The following DENND4A variants were observed in gnomAD, a reference collection of about 807,000 sequenced individuals.
DENND4A encodes the protein DENN domain containing 4A, also known as C-myc promoter-binding protein.
A neutral mutation model predicts 199.3 loss-of-function variants in DENND4A; 70 were observed. The ratio of observed to expected loss-of-function variants is 0.35; its 90% CI spans 0.29 to 0.43. The LOEUF (loss-of-function observed/expected upper bound fraction) is 0.43, where lower values mean the gene tolerates loss of function less well. Among genes scored for constraint, DENND4A ranks in the 20% least tolerant of loss-of-function variants. The probability of loss-of-function intolerance (pLI) is 1.00; values close to 1 mark genes in which losing one functional copy is unlikely to be tolerated. For missense variants in DENND4A, 1,723 were observed against 2,255.8 expected, an observed-to-expected ratio of 0.76 and a Z score of 4.78; for synonymous variants, 686 against 766.9, an observed-to-expected ratio of 0.89 and a Z score of 1.74.
At chr15:65,662,516 G>A (rs2075881456) in intron 32 of DENND4A, among the ~76,000 whole-genome samples, 1 of 151,994 alleles carries the variant, frequency 6.6e-6, no homozygotes, top group South Asian at 2.1e-4. Context: ...GGAGCTAACA[G>A]ACTGTTACTT....
chr15:65,751,224 A>T lies in DENND4A; in HGVS notation c.561+1155T>A, dbSNP rs550193169. Among the ~76,000 whole-genome samples, 5 of 152,300 alleles carry T rather than the reference A, an allele frequency of 3.3e-5. No individual in the cohort carries two copies. In the East Asian group the frequency reaches 5.8e-4, roughly 18 times the overall value. On this transcript the variant is annotated intron_variant, in intron 4 of 32. Coordinates refer to ENST00000443035, the MANE Select transcript of DENND4A (RefSeq NM_001320835.1). ...TGTGAAGTGGCCATGTTCGAGATAC[A>T]TTTTGAAATTATAGCTAACAGAGTT...
intron 13 of DENND4A, among the ~76,000 whole-genome samples, chr15:65,715,926 T>C (rs983346100): frequency 3.3e-5 from 5 of 152,116 alleles, no homozygotes; most frequent in Admixed American, 6.6e-5. Context: ...TTGCATATTA[T>C]GTGCACATAC....
intron 11 of DENND4A, among the ~76,000 whole-genome samples, chr15:65,724,790 A>G (rs1343276716): frequency 6.6e-6 from 1 of 152,214 alleles, no homozygotes; most frequent in Non-Finnish European, 1.5e-5. Context: ...CGCAACATAG[A>G]AACACTTTTT....
chr15:65,672,912 G>GTGCA, intron 24 of DENND4A, among the ~76,000 whole-genome samples: 1 of 150,894 alleles, frequency 6.6e-6, no homozygotes, highest in Non-Finnish European at 1.5e-5. Context: ...CCAGGCTGGA[G>GTGCA]TGCAGTAGCC....
intron 11 of DENND4A, chr15:65,726,113 G>A (rs2075797627): frequency 6.6e-6 from 1 of 152,002 alleles, no homozygotes; most frequent in Non-Finnish European, 1.5e-5. Context: ...AAGAAAGAAA[G>A]AAAAAATAGT....
chr15:65,703,523 T>G (rs2074944601), intron 15 of DENND4A, among the ~76,000 whole-genome samples: 1 of 152,198 alleles, frequency 6.6e-6, no homozygotes, highest in Non-Finnish European at 1.5e-5. Context: ...CATGAATTGG[T>G]TTGTCAGGTT....
At chr15:65,667,048 T>C (rs115513137) in intron 29 of DENND4A, among the ~76,000 whole-genome samples, 7,828 of 152,222 alleles carry the variant, frequency 0.051, 686 homozygotes, top group African/African-American at 0.18. Flanking sequence ...ATATTTAGCA[T>C]AGGCTGGGCA....
chr15:65,707,434 G>A (rs1298569401), intron 14 of DENND4A, among the ~76,000 whole-genome samples: 3 of 151,984 alleles, frequency 2.0e-5, no homozygotes, highest in African/African-American at 7.2e-5. Flanking sequence ...AAAGAACAGA[G>A]ATGAGTTTTA....
intron 1 of DENND4A, among the ~76,000 whole-genome samples, chr15:65,767,982 C>T (rs559713052): frequency 4.6e-5 from 7 of 152,058 alleles, no homozygotes; most frequent in Non-Finnish European, 1.0e-4. Context: ...ATCAGTTCTC[C>T]GTATCTCAGG....
chr15:65,748,598 G>A (rs2076475197), intron 4 of DENND4A, among the ~76,000 whole-genome samples: 2 of 150,560 alleles, frequency 1.3e-5, no homozygotes, highest in African/African-American at 4.9e-5. Context: ...CTCCAGCCTG[G>A]GTGACAGAAC....
chr15:65,660,419 C>CT lies in DENND4A; in HGVS notation c.*1431dup. On this transcript the variant is annotated 3_prime_UTR_variant, in exon 33 of 33. Transcript: ENST00000443035. ...GTCCAAGTGTCGTGGACTCTACTGG[C>CT]TTTATACACCTAATTTGGGACTATC... The CT allele has an allele frequency of 6.1e-6, 5 of 821,690 alleles. No individual in the cohort carries two copies. Among genetic ancestry groups the CT allele is most frequent in the Non-Finnish European group, 9.5e-6 (5 of 524,304 alleles). 50.9% of individuals were successfully genotyped at this position (821,690 alleles called of 1,614,324 possible). A position where few individuals can be genotyped will look rare whatever the true frequency, so the allele number is the denominator to read the frequency against.
chr15:65,778,723 C>T (rs2727105), intron 1 of DENND4A, among the ~76,000 whole-genome samples: 30,017 of 151,568 alleles, frequency 0.2, 3,991 homozygotes, highest in East Asian at 0.73. Context: ...AGTGAAACTC[C>T]GTCTCTACTA....
Position 65,715,489 on chromosome 15 carries a change from A to T in DENND4A, c.1942T>A (p.Cys648Ser). ...KDASLAFFDD[C>S]VDKVDMDKSG... is the part of the protein sequence containing the mutation. ...GTACTGTTACTTACTTTATCTACAC[A>T]ATCATCAAAAAATGCCAGGCTTGCA... is the stretch of plus-strand genomic sequence containing the variant. Residue 648 changes from cysteine to serine, a missense_variant, in exon 14 of 33, where the codon TGT becomes AGT. Physicochemically the swap from Cys to Ser is moderately radical, Grantham distance 112. Transcript: ENST00000443035. The T allele has an allele frequency of 5.0e-6, 8 of 1,610,140 alleles. No individual in the cohort carries two copies. The highest frequency in any genetic ancestry group is 6.8e-6 in the Non-Finnish European group (8 of 1,179,118).
In DENND4A at chr15:65,778,765, G is replaced by A. The variant is rs146299083; in HGVS notation, c.-102+13245C>T. 5.9e-5 allele frequency among the ~76,000 whole-genome samples: 9 copies of A among 151,824 alleles called. No individual in the cohort carries two copies. The South Asian group carries it at 1.3e-3, about 21-fold the overall frequency. On this transcript the variant is annotated intron_variant, in intron 1 of 32. Transcript: ENST00000443035. ...CAAAATTATCTGGGCATGGTGGCAC[G>A]TGCCTGTAATCCCAGCTACTCAGGA...
At chr15:65,691,796 A>AT (rs1398913050) in intron 22 of DENND4A, among the ~76,000 whole-genome samples, 2 of 152,102 alleles carry the variant, frequency 1.3e-5, no homozygotes, top group Non-Finnish European at 2.9e-5. Context: ...GATTTGTCCA[A>AT]TTATAAAGGG....
chr15:65,704,029 T>C (rs1055800962), intron 15 of DENND4A, among the ~76,000 whole-genome samples: 1 of 152,190 alleles, frequency 6.6e-6, no homozygotes, highest in African/African-American at 2.4e-5. Flanking sequence ...TTTTTACACA[T>C]TACTATAGTC....
chr15:65,731,877 T>G (rs939229390), intron 8 of DENND4A, among the ~76,000 whole-genome samples, 177 bp from the exon 9 acceptor site: 15 of 152,096 alleles, frequency 9.9e-5, no homozygotes, highest in African/African-American at 3.4e-4. Context: ...TCCTGACCCC[T>G]TTCAACTACT....
intron 14 of DENND4A, among the ~76,000 whole-genome samples, chr15:65,710,447 C>T (rs1359611614): frequency 6.6e-6 from 1 of 152,130 alleles, no homozygotes; most frequent in Non-Finnish European, 1.5e-5. Flanking sequence ...GCACAAGGAA[C>T]AATAGTTACA....
At chr15:65,702,653 T>G in intron 16 of DENND4A, 142 bp from the exon 17 acceptor site, 1 of 905,784 alleles carries the variant, frequency 1.1e-6, no homozygotes, top group Admixed American at 2.9e-5. Flanking sequence ...TTTTCAAGTT[T>G]CTTTTTGAAT....
Sources: gnomAD v4.1 joint callset for allele counts (sites outside exome capture counted in the v4.1 genomes callset) on GRCh38, gnomAD v4.1.1 for gene constraint, MANE v1.5 for transcripts, NCBI Gene and HGNC (gene_info 2026-07-23, HGNC 2026-07-21) for gene names.